TARBP1: variants seen among roughly 807,000 people sequenced by gnomAD.
The protein encoded by TARBP1 is tRNA (guanosine(18)-2'-O)-methyltransferase TARBP1.
In TARBP1, 144 loss-of-function variants were observed where a neutral mutation model predicts 178.6. The observed-to-expected ratio is 0.81, with a 90% confidence interval of 0.70 to 0.93. The LOEUF (loss-of-function observed/expected upper bound fraction) is 0.93, where lower values mean the gene tolerates loss of function less well. Ranked by LOEUF, TARBP1 falls within the 40% of genes least tolerant of loss-of-function variation. The probability of loss-of-function intolerance (pLI) is 0.00; values close to 1 mark genes in which losing one functional copy is unlikely to be tolerated. For synonymous variants in TARBP1, 787 were observed against 781.0 expected, an observed-to-expected ratio of 1.01 and a Z score of -0.13; for missense variants, 2,067 against 2,011.7, an observed-to-expected ratio of 1.03 and a Z score of -0.53.
rs376124825 is a variant in TARBP1 at position 234,436,622 on chromosome 1, A to G, written c.2232+653T>C. On this transcript the variant is annotated intron_variant, in intron 13 of 29. Transcript: ENST00000040877. ...TTAATATTTAATTGGGTATTTAAATAAAAGTTCTTAAAGTAAGAATGCTTT... is the reference window on the plus strand; with the variant it reads ...TTAATATTTAATTGGGTATTTAAATGAAAGTTCTTAAAGTAAGAATGCTTT... Among the ~76,000 whole-genome samples, 5 of 152,262 alleles carry G rather than the reference A, an allele frequency of 3.3e-5. No individual in the cohort carries two copies. In the East Asian group the frequency reaches 9.6e-4, roughly 29 times the overall value.
At position 234,448,566 on chromosome 1, in the gene TARBP1, G is replaced by A. The variant is rs759629378; in HGVS notation, c.1875C>T (p.Cys625=). ...KSSAWETGEN[C]FMPDWFEAKL... ...TGGCTTCAAACCAATCAGGCATAAAGCAGTTTTCTCCTGCTTAAATAACAA... is the reference window on the plus strand; with the variant it reads ...TGGCTTCAAACCAATCAGGCATAAAACAGTTTTCTCCTGCTTAAATAACAA... The change falls in exon 11 of 30, where the codon TGC becomes TGT. Residue 625 remains cysteine (C), a synonymous_variant. Coordinates refer to ENST00000040877, the MANE Select transcript of TARBP1 (RefSeq NM_005646.4). 6 of 1,613,866 alleles carry A rather than the reference G, an allele frequency of 3.7e-6. No homozygotes were observed. The East Asian group carries it at 1.3e-4, about 36-fold the overall frequency.
intron 23 of TARBP1, chr1:234,407,678 G>A (rs895021138): frequency 6.6e-6 from 1 of 152,040 alleles, no homozygotes; most frequent in Admixed American, 6.6e-5. Context: ...GTGTGGGCTC[G>A]AGGATATTTA....
chr1:234,468,927 C>G (rs900394234), intron 3 of TARBP1, among the ~76,000 whole-genome samples: 2 of 151,704 alleles, frequency 1.3e-5, no homozygotes, highest in Non-Finnish European at 2.9e-5. Context: ...CTTGTCTGTT[C>G]CCCTCATATA....
At chr1:234,473,478 C>A (rs529304668) in intron 1 of TARBP1, among the ~76,000 whole-genome samples, 1 of 152,218 alleles carries the variant, frequency 6.6e-6, no homozygotes, top group Non-Finnish European at 1.5e-5. Flanking sequence ...GTCCTACTGA[C>A]AAAGGGGATT....
intron 22 of TARBP1, 139 bp from the exon 23 acceptor site, chr1:234,410,670 A>C: frequency 1.7e-6 from 1 of 580,418 alleles, no homozygotes; most frequent in Admixed American, 3.6e-5. Context: ...TCTGGGTGGG[A>C]AGGGGGCTGC....
intron 16 of TARBP1, 29 bp downstream of exon 16, chr1:234,429,387 T>C: frequency 2.5e-6 from 4 of 1,585,566 alleles, no homozygotes; most frequent in Non-Finnish European, 3.4e-6. Context: ...CTATAGTTAC[T>C]GTTCAATTCA....
chr1:234,414,282 TG>T (rs1175875317), intron 22 of TARBP1, among the ~76,000 whole-genome samples: 1 of 152,196 alleles, frequency 6.6e-6, no homozygotes, highest in Admixed American at 6.5e-5. Flanking sequence ...TGCCAACTCC[TG>T]ATCTAGAGTC....
chr1:234,437,367 C>T lies in TARBP1; in HGVS notation c.2140G>A (p.Val714Met), dbSNP rs1184015256. The change falls in exon 13 of 30, where the codon GTG becomes ATG. Residue 714 changes from valine (V) to methionine (M), a missense_variant. Physicochemically the swap from Val to Met is conservative, Grantham distance 21. Coordinates refer to ENST00000040877, the MANE Select transcript of TARBP1 (RefSeq NM_005646.4). ...AAAAAGTTCTGAAGAACAGTAGACA[C>T]CTCATCTGTATGGGGGCAAAAAGCA... ...LKGSSAQDDE[V>M]STVLQNFFMS... 6 of 1,553,238 alleles carry T rather than the reference C, an allele frequency of 3.9e-6. No individual in the cohort carries two copies. The Admixed American group carries it at 9.4e-5, about 24-fold the overall frequency.
At chr1:234,476,095 C>G (rs1262495765) in intron 1 of TARBP1, among the ~76,000 whole-genome samples, 1 of 152,164 alleles carries the variant, frequency 6.6e-6, no homozygotes, top group African/African-American at 2.4e-5. Flanking sequence ...GTCCAGGTAT[C>G]GAACTTGCAG....
chr1:234,451,522 C>T lies in TARBP1; in HGVS notation c.1723-956G>A, dbSNP rs556496627. 4.2e-4 allele frequency among the ~76,000 whole-genome samples: 41 copies of T among 98,116 alleles called. 11 individuals are homozygous for T. Among genetic ancestry groups the T allele is most frequent in the South Asian group, 3.1e-3 (10 of 3,262 alleles). The allele number at this position is 98,116 out of a possible 152,430, so 64.4% of individuals were successfully genotyped here. ...CAGCACTTTGGGAGGCCGAGGCGGG[C>T]GGATCACGAGGTCAGGAGATCGAGA... On this transcript the variant is annotated intron_variant, in intron 9 of 29. Coordinates refer to ENST00000040877, the MANE Select transcript of TARBP1 (RefSeq NM_005646.4).
chr1:234,454,672 GATTAAT>G (rs1667111396), intron 9 of TARBP1, among the ~76,000 whole-genome samples: 1 of 152,164 alleles, frequency 6.6e-6, no homozygotes, highest in South Asian at 2.1e-4. Flanking sequence ...ATAAGAGAAT[GATTAAT>G]TAAAATTATA....
intron 9 of TARBP1, among the ~76,000 whole-genome samples, chr1:234,454,318 T>C (rs1667078012): frequency 6.6e-6 from 1 of 152,202 alleles, no homozygotes; most frequent in African/African-American, 2.4e-5. Context: ...GAAAATAAAT[T>C]TTAAAAACAT....
At chr1:234,401,615 G>A (rs557322211) in intron 24 of TARBP1, among the ~76,000 whole-genome samples, 2 of 152,234 alleles carry the variant, frequency 1.3e-5, no homozygotes, top group South Asian at 2.1e-4. Flanking sequence ...TATGAGCAGC[G>A]TTTAAATTTT....
chr1:234,419,117 G>T (rs111833589), intron 21 of TARBP1, among the ~76,000 whole-genome samples: 4,456 of 152,136 alleles, frequency 0.029, 95 homozygotes, highest in South Asian at 0.08. Context: ...AGCCTGCAGT[G>T]AGCCGAGATC....
rs746176271 is a variant in TARBP1, at chr1:234,425,725, T to C, written c.3392A>G (p.Asn1131Ser). 13 of 1,612,138 alleles carry C rather than the reference T, an allele frequency of 8.1e-6. No individual in the cohort carries two copies. The East Asian group carries it at 1.1e-4, about 14-fold the overall frequency. Reference sequence around the variant, plus strand: ...CTCAATAAACAACTTGTGGGACATATTGGAGCCATCTAATAAACACAGGAA... The same window carrying C: ...CTCAATAAACAACTTGTGGGACATACTGGAGCCATCTAATAAACACAGGAA... ...VKFLCLLDGS[N>S]MSHKLFIEDL... The change falls in exon 20 of 30, where the codon AAT (asparagine) becomes AGT (serine). Residue 1131 changes from asparagine to serine, a missense_variant. Asn to Ser is a conservative substitution (Grantham distance 46). Transcript: ENST00000040877.
At chr1:234,414,662 C>T (rs1173192706) in intron 22 of TARBP1, among the ~76,000 whole-genome samples, 2 of 152,084 alleles carry the variant, frequency 1.3e-5, no homozygotes, top group Non-Finnish European at 2.9e-5. Context: ...GCTGGTCTAC[C>T]ATGGATTCAA....
At position 234,439,970 on chromosome 1, in the gene TARBP1, A is replaced by G. The variant is rs117901551; in HGVS notation, c.2135-2598T>C. On this transcript the variant is annotated intron_variant, in intron 12 of 29. Coordinates refer to ENST00000040877, the MANE Select transcript of TARBP1 (RefSeq NM_005646.4). ...AATATTCTTTTCCAGAGTACATGAA[A>G]CATTCACCAAGATAGGCCATATCCC... 3.1e-3 allele frequency among the ~76,000 whole-genome samples: 478 copies of G among 152,348 alleles called. 18 individuals carry two copies. In the East Asian group the frequency reaches 0.08, roughly 25 times the overall value.
intron 3 of TARBP1, among the ~76,000 whole-genome samples, chr1:234,470,146 A>C (rs1371283348): frequency 8.5e-5 from 13 of 152,058 alleles, no homozygotes; most frequent in Admixed American, 8.5e-4. Context: ...GCATGCCTGT[A>C]ATCTCAGCTG....
intron 3 of TARBP1, among the ~76,000 whole-genome samples, chr1:234,469,227 T>G (rs1668808405): frequency 6.6e-6 from 1 of 151,910 alleles, no homozygotes; most frequent in South Asian, 2.1e-4. Context: ...GATATTTTTC[T>G]AACTCTTTTG....
Sources: allele counts gnomAD v4.1 joint callset (sites outside exome capture counted in the v4.1 genomes callset), GRCh38; gene constraint gnomAD v4.1.1; transcripts MANE v1.5; gene names NCBI Gene and HGNC (gene_info 2026-07-23, HGNC 2026-07-21).